SVOPL: variants seen among roughly 807,000 people sequenced by gnomAD.
The protein encoded by SVOPL is putative transporter SVOPL.
In SVOPL, 60 loss-of-function variants were observed where a neutral mutation model predicts 61.0. The ratio of observed to expected loss-of-function variants is 0.98; its 90% CI spans 0.80 to 1.22. SVOPL has a LOEUF of 1.22. Among genes scored for constraint, SVOPL ranks in the 50% most tolerant of loss-of-function variants. SVOPL has a pLI of 0.00. For synonymous variants in SVOPL, 279 were observed against 250.0 expected (o/e 1.12, Z -1.09); for missense variants, 662 against 643.9 (o/e 1.03, Z -0.30).
chr7:138,613,295 C>T (rs1431022501), intron 14 of SVOPL, among the ~76,000 whole-genome samples: 2 of 152,194 alleles, frequency 1.3e-5, no homozygotes, highest in Admixed American at 6.5e-5. Context: ...GCTGAGATTA[C>T]AGGCATGAGC....
At chr7:138,600,393 G>A (rs1220238222) in intron 14 of SVOPL, among the ~76,000 whole-genome samples, 2 of 152,170 alleles carry the variant, frequency 1.3e-5, no homozygotes, top group Non-Finnish European at 2.9e-5. Context: ...CTAGAGCCCA[G>A]GAGTTCATGA....
chr7:138,691,609 C>T (rs1470973064), intron 1 of SVOPL, among the ~76,000 whole-genome samples: 2 of 152,122 alleles, frequency 1.3e-5, no homozygotes, highest in African/African-American at 2.4e-5. Flanking sequence ...GGCGTGATCT[C>T]GGCTCACTGC....
At chr7:138,698,168 A>AGGAGGGGAAAAAAG (rs141318394) in intron 1 of SVOPL, among the ~76,000 whole-genome samples, 1 of 149,998 alleles carries the variant, frequency 6.7e-6, no homozygotes, top group Non-Finnish European at 1.5e-5. Flanking sequence ...GAGGGAAAGA[A>AGGAGGGGAAAAAAG]GGAGGGGGAA....
chr7:138,648,197 T>G (rs1801217922), intron 8 of SVOPL, among the ~76,000 whole-genome samples: 1 of 150,232 alleles, frequency 6.7e-6, no homozygotes, highest in Admixed American at 6.6e-5. Flanking sequence ...GAGAGTGGAG[T>G]CAGCAAAAAC....
intron 14 of SVOPL, 94 bp from the exon 15 acceptor site, chr7:138,596,624 A>C: frequency 2.7e-6 from 4 of 1,488,432 alleles, no homozygotes; most frequent in Non-Finnish European, 3.6e-6. Context: ...TCACTTCACT[A>C]AGATGGTCCT....
At chr7:138,670,631 A>T (rs1337847258) in intron 4 of SVOPL, among the ~76,000 whole-genome samples, 1 of 152,222 alleles carries the variant, frequency 6.6e-6, no homozygotes, top group Non-Finnish European at 1.5e-5. Context: ...ATCTTTAAAA[A>T]ATGCTTGCCT....
At chr7:138,676,455 C>T (rs76277181) in intron 3 of SVOPL, among the ~76,000 whole-genome samples, 4,711 of 152,232 alleles carry the variant, frequency 0.031, 258 homozygotes, top group African/African-American at 0.11. Flanking sequence ...GGAACCACTG[C>T]GCTCACAGGG....
At chr7:138,620,933 A>C (rs539922431) in intron 14 of SVOPL, 113 bp downstream of exon 14, 3 of 974,458 alleles carry the variant, frequency 3.1e-6, no homozygotes, top group African/African-American at 1.6e-5. Flanking sequence ...CACCTCCAGA[A>C]AACTCATGAA....
At chr7:138,657,748 G>A (rs1352194749) in intron 6 of SVOPL, among the ~76,000 whole-genome samples, 2 of 152,058 alleles carry the variant, frequency 1.3e-5, no homozygotes, top group East Asian at 1.9e-4. Flanking sequence ...TATGCCCCAG[G>A]GAAGAACAAT....
At chr7:138,657,958 G>A (rs1249859719) in intron 6 of SVOPL, among the ~76,000 whole-genome samples, 4 of 152,202 alleles carry the variant, frequency 2.6e-5, no homozygotes, top group Non-Finnish European at 5.9e-5. Flanking sequence ...CATGGCATTT[G>A]TAAGCTGTCC....
chr7:138,655,144 C>T lies in SVOPL; in HGVS notation c.534+1304G>A, dbSNP rs371974639. 1.0e-4 allele frequency among the ~76,000 whole-genome samples: 15 copies of T among 150,730 alleles called. No homozygotes were observed. The East Asian group carries it at 1.8e-3, about 18-fold the overall frequency. ...GGCAGAGGTTGCAGTGAGCTGAGAT[C>T]GCACCACTAAACTCCAGCCTGGGTG... On this transcript the variant is annotated intron_variant, in intron 7 of 15. Transcript: ENST00000674285.
intron 1 of SVOPL, among the ~76,000 whole-genome samples, chr7:138,688,421 C>A (rs1025272435): frequency 5.3e-5 from 8 of 152,028 alleles, no homozygotes; most frequent in African/African-American, 1.9e-4. Context: ...AGGCATGCAC[C>A]ACCACACTCG....
intron 3 of SVOPL, among the ~76,000 whole-genome samples, chr7:138,673,506 A>T (rs1042305686): frequency 6.6e-6 from 1 of 151,880 alleles, no homozygotes; most frequent in Admixed American, 6.6e-5. Context: ...AAAATACAGA[A>T]ATTAGTGGGA....
In SVOPL at chr7:138,662,608, CTTA is replaced by C. The variant is rs957840664; in HGVS notation, c.345+463_345+465del. 3 of 988,690 alleles carry C rather than the reference CTTA, an allele frequency of 3.0e-6. No homozygotes were observed. In the African/African-American group the frequency reaches 5.2e-5, roughly 17 times the overall value. The allele number at this position is 988,690 out of a possible 1,614,324, so 61.2% of individuals were successfully genotyped here. On this transcript the variant is annotated intron_variant, in intron 5 of 15. Transcript: ENST00000674285. ...GGGCTAAGGGGCCTTTTCCATTCCC[CTTA>C]TTAACTCATTAGAAGCGAAGATATG...
intron 13 of SVOPL, among the ~76,000 whole-genome samples, chr7:138,623,442 T>C (rs1486889537): frequency 2.6e-5 from 4 of 151,850 alleles, no homozygotes; most frequent in African/African-American, 7.3e-5. Context: ...TTACTAAAAA[T>C]ACAAAAAATT....
chr7:138,644,574 G>C, intron 9 of SVOPL, 143 bp downstream of exon 9: 1 of 1,191,278 alleles, frequency 8.4e-7, no homozygotes, highest in Middle Eastern at 3.0e-4. Context: ...AATGAATGTA[G>C]CCTCACATCT....
intron 6 of SVOPL, among the ~76,000 whole-genome samples, chr7:138,658,037 A>G (rs1023398832): frequency 3.9e-5 from 6 of 152,228 alleles, no homozygotes; most frequent in East Asian, 1.9e-4. Flanking sequence ...CAGTGAAGAC[A>G]ATCAGAGCTC....
At chr7:138,660,009 A>G in intron 5 of SVOPL, 21 bp from the exon 6 acceptor site, 1 of 1,551,312 alleles carries the variant, frequency 6.4e-7, no homozygotes, top group Non-Finnish European at 8.7e-7. Context: ...AGCAGAACAC[A>G]TGAATGGGAC....
At chr7:138,656,334 C>T (rs561734261) in intron 7 of SVOPL, 114 bp downstream of exon 7, 3 of 1,032,520 alleles carry the variant, frequency 2.9e-6, no homozygotes, top group East Asian at 4.8e-5. Context: ...TATTCTGATA[C>T]TCGCTTAATT....
Sources: gnomAD v4.1 joint callset for allele counts (sites outside exome capture counted in the v4.1 genomes callset) on GRCh38, gnomAD v4.1.1 for gene constraint, MANE v1.5 for transcripts, NCBI Gene and HGNC (gene_info 2026-07-23, HGNC 2026-07-21) for gene names.